Variants in HACD4 observed in about 807,000 individuals in gnomAD.
HACD4 encodes very-long-chain (3R)-3-hydroxyacyl-CoA dehydratase 4.
A neutral mutation model predicts 33.3 loss-of-function variants in HACD4; 35 were observed. That is an observed-to-expected ratio of 1.05 (90% CI 0.80 to 1.39). The LOEUF (loss-of-function observed/expected upper bound fraction) is 1.39. Ranked by LOEUF, HACD4 falls within the 40% of genes most tolerant of loss-of-function variation. The pLI is 0.00. For missense variants in HACD4, 323 were observed against 276.5 expected, an observed-to-expected ratio of 1.17 and a Z score of -1.19; for synonymous variants, 118 against 98.0, an observed-to-expected ratio of 1.20 and a Z score of -1.21.
intron 3 of HACD4, 140 bp from the exon 4 acceptor site, chr9:21,016,150 C>G (rs1405604386): frequency 3.7e-6 from 2 of 547,028 alleles, no homozygotes; most frequent in East Asian, 5.9e-5. Flanking sequence ...CAATGCCTCC[C>G]TCTGAGAGAG....
In HACD4 at chr9:21,026,720, G is replaced by C. The variant is rs988793275; in HGVS notation, c.146C>G (p.Ser49Ter). 4.3e-6 allele frequency: 7 copies of C among 1,612,984 alleles called. No homozygotes were observed. Among genetic ancestry groups the C allele is most frequent in the Non-Finnish European group, 5.9e-6 (7 of 1,179,462 alleles). Reference sequence around the variant, plus strand: ...AATAGCATAAAAAGTGTCAACCATTGAATCTGTATCCCGTGGGTTAAAAAT... The same window carrying C: ...AATAGCATAAAAAGTGTCAACCATTCAATCTGTATCCCGTGGGTTAAAAAT... ...TVRFFSFGKDSMVDTFYAIGL... is the reference protein window; with the variant it reads ...TVRFFSFGKD The change falls in exon 3 of 7, where the codon TCA (serine) becomes TGA (stop). Residue 49 changes from serine (S) to a stop codon, truncating the protein, a stop_gained. Coordinates refer to ENST00000495827, the MANE Select transcript of HACD4 (RefSeq NM_001010915.5). LOFTEE classifies it high-confidence loss of function.
intron 1 of HACD4, chr9:21,031,318 G>T: frequency 2.7e-6 from 1 of 366,804 alleles, no homozygotes; most frequent in Non-Finnish European, 3.8e-6. Context: ...CATGCAGCCT[G>T]TCCTTCCCAT....
In HACD4 at chr9:21,000,239, T is replaced by C. The variant is rs977265021; in HGVS notation, c.*6798A>G. ...AAACTCCAGCTACCCTTAGCAAAAATAAACTAGTTAGTAATTCTTACTTGG... is the reference window on the plus strand; with the variant it reads ...AAACTCCAGCTACCCTTAGCAAAAACAAACTAGTTAGTAATTCTTACTTGG... On this transcript the variant is annotated 3_prime_UTR_variant, in exon 7 of 7. Coordinates refer to ENST00000495827, the MANE Select transcript of HACD4 (RefSeq NM_001010915.5). The C allele has an allele frequency of 6.6e-6, 1 of 152,172 alleles. No individual in the cohort carries two copies. Among genetic ancestry groups the C allele is most frequent in the African/African-American group, 2.4e-5 (1 of 41,458 alleles). The allele number at this position is 152,172 out of a possible 1,614,324, so 9.4% of individuals were successfully genotyped here. A position where few individuals can be genotyped will look rare whatever the true frequency, so the allele number is the denominator to read the frequency against.
rs749114283 is a variant in HACD4 at position 21,011,706 on chromosome 9, A to T, written c.384-11T>A. On this transcript the variant is annotated splice_polypyrimidine_tract_variant and intron_variant, in intron 4 of 6. Transcript: ENST00000495827. Reference sequence around the variant, plus strand: ...ATGCTATAAGTGTACCTGAAAGGAGATGAGAAGCTCATAAACATCATTTTC... The same window carrying T: ...ATGCTATAAGTGTACCTGAAAGGAGTTGAGAAGCTCATAAACATCATTTTC... 6.9e-7 allele frequency: 1 copy of T among 1,443,806 alleles called. No individual in the cohort carries two copies. The highest frequency in any genetic ancestry group is 9.6e-7 in the Non-Finnish European group (1 of 1,036,656). The allele number at this position is 1,443,806 out of a possible 1,614,324, so 89.4% of individuals were successfully genotyped here.
At chr9:21,027,834 C>T (rs1367682940) in intron 2 of HACD4, among the ~76,000 whole-genome samples, 2 of 152,058 alleles carry the variant, frequency 1.3e-5, no homozygotes, top group Non-Finnish European at 1.5e-5. Flanking sequence ...AGGATAATAA[C>T]TGAGAAAGAA....
chr9:21,030,765 A>G (rs576992435), intron 1 of HACD4, among the ~76,000 whole-genome samples: 52 of 152,352 alleles, frequency 3.4e-4, no homozygotes, highest in African/African-American at 1.2e-3. Flanking sequence ...TGCTCATACC[A>G]GAAGAGGGAA....
intron 5 of HACD4, 35 bp downstream of exon 5, chr9:21,011,554 T>G: frequency 7.8e-7 from 1 of 1,278,536 alleles, no homozygotes; most frequent in East Asian, 2.3e-5. Context: ...ATGGCTTTTG[T>G]CAGTAAGCAA....
At chr9:21,015,472 G>C (rs970163544) in intron 4 of HACD4, 1 of 154,208 alleles carries the variant, frequency 6.5e-6, no homozygotes. Flanking sequence ...ATGAATGTGA[G>C]AGTGCATTTT....
In HACD4 at chr9:21,008,043, T is replaced by C. The variant is rs902767898; in HGVS notation, c.594A>G (p.Ile198Met). ...LSIYFPYVLK[I>M]YLMMLFIGMY... Reference sequence around the variant, plus strand: ...TACCTATAAAGAGCATCATGAGATATATTTTCAGCACATATGGGAAATAGA... The same window carrying C: ...TACCTATAAAGAGCATCATGAGATACATTTTCAGCACATATGGGAAATAGA... The change falls in exon 6 of 7, where the codon ATA (isoleucine) becomes ATG (methionine). Residue 198 changes from isoleucine (I) to methionine (M), a missense_variant. Ile to Met is a conservative substitution (Grantham distance 10). Transcript: ENST00000495827. 5.6e-6 allele frequency: 9 copies of C among 1,604,390 alleles called. No individual in the cohort carries two copies. Among genetic ancestry groups the C allele is most frequent in the Non-Finnish European group, 1.7e-6 (2 of 1,175,974 alleles).
At chr9:21,029,270 TAAAA>T (rs1008265577) in intron 2 of HACD4, 21 bp downstream of exon 2, 6 of 1,346,390 alleles carry the variant, frequency 4.5e-6, no homozygotes, top group African/African-American at 4.4e-5. Context: ...AAGTTAAAAA[TAAAA>T]AAACTGTTTC....
At chr9:21,007,931 T>A in intron 6 of HACD4, 90 bp downstream of exon 6, 1 of 1,219,772 alleles carries the variant, frequency 8.2e-7, no homozygotes, top group Non-Finnish European at 1.1e-6. Context: ...GTCTCTCCCA[T>A]GTTTACCAAC....
chr9:21,021,345 T>A (rs1817906940), intron 3 of HACD4, among the ~76,000 whole-genome samples: 1 of 152,052 alleles, frequency 6.6e-6, no homozygotes, highest in Non-Finnish European at 1.5e-5. Flanking sequence ...CTCTCACCAC[T>A]CCTATTCAAC....
chr9:21,010,887 C>G (rs1842406952), intron 5 of HACD4, among the ~76,000 whole-genome samples: 1 of 152,032 alleles, frequency 6.6e-6, no homozygotes, highest in Admixed American at 6.6e-5. Flanking sequence ...GGTTTGTGCT[C>G]CAATAAGAAT....
At chr9:21,022,670 A>G (rs1312110293) in intron 3 of HACD4, among the ~76,000 whole-genome samples, 2 of 150,042 alleles carry the variant, frequency 1.3e-5, no homozygotes, top group Non-Finnish European at 3.0e-5. Context: ...ACAATGAGAT[A>G]CCATCTCACA....
chr9:21,025,093 C>T (rs1818028813), intron 3 of HACD4, among the ~76,000 whole-genome samples: 1 of 152,092 alleles, frequency 6.6e-6, no homozygotes, highest in Non-Finnish European at 1.5e-5. Context: ...AGGAACTATA[C>T]TAAAGGGAAT....
intron 4 of HACD4, among the ~76,000 whole-genome samples, chr9:21,012,940 G>A (rs1842471311): frequency 6.6e-6 from 1 of 151,850 alleles, no homozygotes; most frequent in South Asian, 2.1e-4. Flanking sequence ...GGTGGCGGGT[G>A]CCTGTAATCC....
chr9:21,011,674 T>G lies in HACD4; in HGVS notation c.405A>C (p.Ser135=). 6.3e-7 allele frequency: 1 copy of G among 1,598,030 alleles called. No individual in the cohort carries two copies. Among genetic ancestry groups the G allele is most frequent in the Non-Finnish European group, 8.6e-7 (1 of 1,166,276 alleles). ...DMVRYTYSML[S]VIGISYAVLT... ...AGACAGCATAGGATATTCCTATGACTGATAACATGCTATAAGTGTACCTGA... is the reference window on the plus strand; with the variant it reads ...AGACAGCATAGGATATTCCTATGACGGATAACATGCTATAAGTGTACCTGA... The change falls in exon 5 of 7, where the codon TCA becomes TCC. Residue 135 remains serine, a synonymous_variant. Transcript: ENST00000495827.
chr9:21,013,391 C>T (rs1842484116), intron 4 of HACD4, among the ~76,000 whole-genome samples: 3 of 152,314 alleles, frequency 2.0e-5, no homozygotes, highest in South Asian at 4.1e-4. Flanking sequence ...TATCCTTACA[C>T]AGTACCACAC....
At chr9:21,011,842 T>C in intron 4 of HACD4, 147 bp from the exon 5 acceptor site, 2 of 554,970 alleles carry the variant, frequency 3.6e-6, no homozygotes, top group Non-Finnish European at 6.3e-6. Flanking sequence ...AAGAGTTTTT[T>C]TTAAATGGGG....
Sources: gnomAD v4.1 joint callset for allele counts (sites outside exome capture counted in the v4.1 genomes callset) on GRCh38, gnomAD v4.1.1 for gene constraint, MANE v1.5 for transcripts, NCBI Gene and HGNC (gene_info 2026-07-23, HGNC 2026-07-21) for gene names.